The following ATP10B variants were observed in gnomAD, a reference collection of about 807,000 sequenced individuals.
ATP10B encodes the protein ATPase phospholipid transporting 10B (putative), also known as phospholipid-transporting ATPase VB.
ATP10B carries 122 observed loss-of-function variants against 141.2 expected under a neutral mutation model. That is an observed-to-expected ratio of 0.86 (90% CI 0.75 to 1.00). The LOEUF (loss-of-function observed/expected upper bound fraction) is 1.00. ATP10B is among the 50% of genes least tolerant of loss of function. The pLI, the probability that ATP10B is intolerant of heterozygous loss-of-function variation, is 0.00. For missense variants in ATP10B, 1,876 were observed against 1,825.3 expected, an observed-to-expected ratio of 1.03 and a Z score of -0.51; for synonymous variants, 685 against 692.0, an observed-to-expected ratio of 0.99 and a Z score of 0.16.
chr5:160,923,825 A>T, the ATP10B span, among the ~76,000 whole-genome samples: 96,527 of 152,138 alleles, frequency 0.63, 31,838 homozygotes, highest in African/African-American at 0.81. Flanking sequence ...CTATACTTTA[A>T]GATCTGTGAT....
intron 1 of ATP10B, among the ~76,000 whole-genome samples, chr5:160,845,809 C>G (rs550451623): frequency 6.6e-6 from 1 of 152,156 alleles, no homozygotes; most frequent in South Asian, 2.1e-4. Flanking sequence ...TTCTCTAGTG[C>G]TTCAAATATG....
chr5:160,659,177 C>T (rs1485025659), intron 7 of ATP10B, among the ~76,000 whole-genome samples: 2 of 152,122 alleles, frequency 1.3e-5, no homozygotes, highest in African/African-American at 4.8e-5. Context: ...TAATATTTCA[C>T]CTTTCAGGCC....
At chr5:160,835,209 G>T (rs1269244342) in intron 1 of ATP10B, among the ~76,000 whole-genome samples, 1 of 151,994 alleles carries the variant, frequency 6.6e-6, no homozygotes, top group Non-Finnish European at 1.5e-5. Context: ...AAAATAACTC[G>T]AGATAGAGAG....
intron 7 of ATP10B, among the ~76,000 whole-genome samples, chr5:160,653,897 A>AT (rs1761244335): frequency 3.9e-5 from 3 of 77,352 alleles, no homozygotes; most frequent in African/African-American, 1.9e-4. Flanking sequence ...AAATATATGT[A>AT]GTATATACGT....
rs372849725 is a variant in ATP10B, at chr5:160,834,141, A to AT, written c.-576+17799_-576+17800insA. Among the ~76,000 whole-genome samples the AT allele has an allele frequency of 6.0e-3, 911 of 152,080 alleles. 12 individuals are homozygous for AT. Among genetic ancestry groups the AT allele is most frequent in the African/African-American group, 0.021 (867 of 41,504 alleles). On this transcript the variant is annotated intron_variant, in intron 1 of 25. Transcript: ENST00000327245. Reference sequence around the variant, plus strand: ...GGAGTTTGAGAACAGCTTGGCCAACAGACAAAATCCCATCTCTACTAAAAA... The same window carrying AT: ...GGAGTTTGAGAACAGCTTGGCCAACATGACAAAATCCCATCTCTACTAAAAA...
intron 7 of ATP10B, among the ~76,000 whole-genome samples, chr5:160,656,443 C>G (rs1187460646): frequency 6.6e-6 from 1 of 152,206 alleles, no homozygotes; most frequent in Non-Finnish European, 1.5e-5. Context: ...CTAGTGGTTC[C>G]TGATTGGTAG....
At chr5:160,885,739 T>G in the ATP10B span, among the ~76,000 whole-genome samples, 1 of 152,226 alleles carries the variant, frequency 6.6e-6, no homozygotes, top group Non-Finnish European at 1.5e-5. Context: ...AAAGTTGTTT[T>G]CATCCTAGTT....
intron 1 of ATP10B, among the ~76,000 whole-genome samples, chr5:160,812,046 GA>G (rs1773206732): frequency 6.6e-6 from 1 of 151,820 alleles, no homozygotes; most frequent in Non-Finnish European, 1.5e-5. Context: ...GAGAGAGAGA[GA>G]GAGAGAGAGA....
chr5:160,671,079 C>G (rs776654879), intron 6 of ATP10B, among the ~76,000 whole-genome samples: 1 of 146,792 alleles, frequency 6.8e-6, no homozygotes, highest in Non-Finnish European at 1.5e-5. Flanking sequence ...GCAGGAGAAA[C>G]GCTTGAACCT....
intron 11 of ATP10B, 33 bp from the exon 12 acceptor site, chr5:160,634,639 C>G (rs570339792): frequency 1.3e-6 from 2 of 1,565,474 alleles, no homozygotes; most frequent in Non-Finnish European, 1.7e-6. Context: ...CATTCAGAAA[C>G]CAGGCAGGTT....
intron 4 of ATP10B, among the ~76,000 whole-genome samples, chr5:160,688,406 G>A (rs533456667): frequency 7.2e-5 from 11 of 152,236 alleles, no homozygotes; most frequent in South Asian, 4.2e-4. Context: ...ACTGGAATAC[G>A]TGCCATGGGA....
chr5:160,883,462 A>C, the ATP10B span, among the ~76,000 whole-genome samples: 1 of 145,894 alleles, frequency 6.9e-6, no homozygotes, highest in Non-Finnish European at 1.5e-5. Context: ...GAGAGGGATA[A>C]ATAAGGGCAG....
chr5:160,747,995 G>GAAAAA (rs3075589), intron 2 of ATP10B, among the ~76,000 whole-genome samples: 2 of 99,044 alleles, frequency 2.0e-5, no homozygotes, highest in African/African-American at 3.9e-5. Context: ...CATTGAGAGA[G>GAAAAA]AAAAAAAAAA....
At chr5:160,691,250 A>G (rs1764060040) in intron 3 of ATP10B, among the ~76,000 whole-genome samples, 1 of 152,134 alleles carries the variant, frequency 6.6e-6, no homozygotes, top group Admixed American at 6.5e-5. Flanking sequence ...AGAAATACCT[A>G]ATATAGATGA....
intron 2 of ATP10B, among the ~76,000 whole-genome samples, chr5:160,774,157 G>A (rs1770108570): frequency 6.7e-6 from 1 of 149,046 alleles, no homozygotes; most frequent in Non-Finnish European, 1.5e-5. Context: ...TGTAACCCCA[G>A]GAGGTGGACA....
In ATP10B at chr5:160,752,136, C is replaced by T. The variant is rs907133275; in HGVS notation, c.-331+33423G>A. Among the ~76,000 whole-genome samples, 55 of 149,382 alleles carry T rather than the reference C, an allele frequency of 3.7e-4. 1 individual carries two copies. Among genetic ancestry groups the T allele is most frequent in the African/African-American group, 1.4e-3 (55 of 40,722 alleles). ...TGCATGCAAGAAAATAAAGATAAAC[C>T]ACAGCCAATTCAAACTCCAGGGGGC... On this transcript the variant is annotated intron_variant, in intron 2 of 25. Coordinates refer to ENST00000327245, the MANE Select transcript of ATP10B (RefSeq NM_025153.3).
chr5:160,652,200 T>C (rs2127692526), intron 7 of ATP10B, among the ~76,000 whole-genome samples: 1 of 152,156 alleles, frequency 6.6e-6, no homozygotes, highest in South Asian at 2.1e-4. Context: ...CCCATCTTCC[T>C]CTTTTCATGA....
At chr5:160,693,403 AACACACACACACACACAC>A (rs3075585) in intron 3 of ATP10B, among the ~76,000 whole-genome samples, 2,147 of 125,684 alleles carry the variant, frequency 0.017, 26 homozygotes, top group South Asian at 0.02. Context: ...TGGGTCAGAA[AACACACACACACACACAC>A]ACACACACAC....
intron 1 of ATP10B, among the ~76,000 whole-genome samples, chr5:160,829,498 G>C (rs907040993): frequency 1.3e-5 from 2 of 152,066 alleles, no homozygotes; most frequent in Non-Finnish European, 2.9e-5. Context: ...ATTCTGTGAA[G>C]AGTGACATTG....
Sources: allele counts gnomAD v4.1 joint callset (sites outside exome capture counted in the v4.1 genomes callset), GRCh38; gene constraint gnomAD v4.1.1; transcripts MANE v1.5; gene names NCBI Gene and HGNC (gene_info 2026-07-23, HGNC 2026-07-21).